ZNF638: variants seen among roughly 807,000 people sequenced by gnomAD.
The protein encoded by ZNF638 is zinc finger protein 638.
Under a neutral mutation model 195.6 loss-of-function variants are expected in ZNF638, and 46 were observed. The ratio of observed to expected loss-of-function variants is 0.24; its 90% CI spans 0.19 to 0.30. The LOEUF (loss-of-function observed/expected upper bound fraction) is 0.30, where lower values mean the gene tolerates loss of function less well. ZNF638 is among the 10% of genes least tolerant of loss of function. ZNF638 has a pLI of 1.00. For missense variants in ZNF638, 2,440 were observed against 2,325.3 expected (o/e 1.05, Z -1.01); for synonymous variants, 845 against 772.0 (o/e 1.09, Z -1.57).
rs150601215 is a variant in ZNF638, at chr2:71,364,073, A to G, written c.1538A>G (p.His513Arg). The change falls in exon 5 of 28, where the codon CAT becomes CGT. Residue 513 changes from histidine (H) to arginine (R), a missense_variant. By Grantham distance (29) the His-to-Arg change is conservative (BLOSUM62 0). Transcript: ENST00000264447. ...HRFRRSRSPM[H>R]YMYRPRSRSP... ...TTCCGTCGGTCTCGAAGCCCAATGC[A>G]TTACATGTATAGGCCGAGAAGTCGA... The G allele has an allele frequency of 2.5e-4, 408 of 1,614,204 alleles. No individual in the cohort carries two copies. Among genetic ancestry groups the G allele is most frequent in the Non-Finnish European group, 3.2e-4 (372 of 1,180,034 alleles).
chr2:71,343,927 G>A (rs764752943), intron 1 of ZNF638, among the ~76,000 whole-genome samples: 2 of 117,900 alleles, frequency 1.7e-5, no homozygotes, highest in East Asian at 4.5e-4. Flanking sequence ...TCAGGAGATC[G>A]AGACCATCCT....
At chr2:71,395,433 C>T in intron 10 of ZNF638, 1 of 636,526 alleles carries the variant, frequency 1.6e-6, no homozygotes, top group South Asian at 1.8e-5. Flanking sequence ...GGAGGTTTTG[C>T]AAAGCTTCGG....
Position 71,423,032 on chromosome 2 carries a change from A to C in ZNF638, c.3518A>C (p.Glu1173Ala), listed in dbSNP as rs143103673. 2 of 1,614,032 alleles carry C rather than the reference A, an allele frequency of 1.2e-6. No individual in the cohort carries two copies. Among genetic ancestry groups the C allele is most frequent in the African/African-American group, 1.3e-5 (1 of 74,928 alleles). ...ETLELETQGE[E>A]VKEEIPLVAS... is the part of the protein sequence containing the mutation. Reference sequence around the variant, plus strand: ...TTGGAGCTTGAAACTCAAGGAGAGGAGGTCAAAGAAGAAATTCCTCTTGTA... The same window carrying C: ...TTGGAGCTTGAAACTCAAGGAGAGGCGGTCAAAGAAGAAATTCCTCTTGTA... The change falls in exon 22 of 28, where the codon GAG (glutamate) becomes GCG (alanine). Residue 1173 changes from glutamate to alanine, a missense_variant. By Grantham distance (107) the Glu-to-Ala change is moderately radical (BLOSUM62 -1). Around this residue, in one of 5 missense-constraint regions of ZNF638, gnomAD observed 1,883 missense variants for 1,739.1 expected, o/e 1.08. Transcript: ENST00000264447.
intron 25 of ZNF638, among the ~76,000 whole-genome samples, chr2:71,429,360 A>G (rs1428538414): frequency 6.6e-6 from 1 of 152,166 alleles, no homozygotes; most frequent in Non-Finnish European, 1.5e-5. Flanking sequence ...TGCTCCCAAT[A>G]TATTAGAGGT....
At chr2:71,354,185 A>C (rs960979433) in intron 2 of ZNF638, among the ~76,000 whole-genome samples, 1 of 152,236 alleles carries the variant, frequency 6.6e-6, no homozygotes, top group Non-Finnish European at 1.5e-5. Flanking sequence ...GAAACAAATA[A>C]TAACATTTTC....
chr2:71,380,063 T>A (rs1207986763), intron 8 of ZNF638, 159 bp from the exon 9 acceptor site: 3 of 452,880 alleles, frequency 6.6e-6, no homozygotes, highest in African/African-American at 6.2e-5. Flanking sequence ...AGATGTAAAA[T>A]TAGGCTGTGT....
chr2:71,398,283 C>G (rs1269227487), intron 11 of ZNF638, among the ~76,000 whole-genome samples: 1 of 152,054 alleles, frequency 6.6e-6, no homozygotes, highest in Non-Finnish European at 1.5e-5. Flanking sequence ...ATTTATGTTT[C>G]ATATACACCT....
rs2080103515 is a variant in ZNF638 at position 71,406,272 on chromosome 2, TC to T, written c.3135+13del. 6.2e-7 allele frequency: 1 copy of T among 1,608,122 alleles called. No individual in the cohort carries two copies. The highest frequency in any genetic ancestry group is 8.5e-7 in the Non-Finnish European group (1 of 1,174,790). On this transcript the variant is annotated intron_variant, in intron 19 of 27. Transcript: ENST00000264447. ...AAGTAATAGAAACAAGGTAACAAGT[TC>T]CCTCATAATTTAGCTATTCATTCTG...
At chr2:71,380,763 A>G (rs956408842) in intron 10 of ZNF638, 198 bp downstream of exon 10, 1 of 420,362 alleles carries the variant, frequency 2.4e-6, no homozygotes, top group African/African-American at 2.1e-5. Context: ...GAGTAAATAC[A>G]ACAAATCTGT....
chr2:71,395,835 A>T, intron 10 of ZNF638: 4 of 456,644 alleles, frequency 8.8e-6, no homozygotes, highest in Non-Finnish European at 1.2e-5. Flanking sequence ...GACTTGATAT[A>T]TTGTGTGTGT....
intron 2 of ZNF638, among the ~76,000 whole-genome samples, chr2:71,353,908 A>G (rs2078982128): frequency 6.6e-6 from 1 of 152,240 alleles, no homozygotes; most frequent in Non-Finnish European, 1.5e-5. Flanking sequence ...TAGTACTACT[A>G]GAGACTCTTC....
At chr2:71,371,358 A>G (rs2079309574) in intron 8 of ZNF638, among the ~76,000 whole-genome samples, 1 of 152,142 alleles carries the variant, frequency 6.6e-6, no homozygotes. Context: ...GGGTATATAT[A>G]CCCAGCAGTG....
At position 71,350,081 on chromosome 2, in the gene ZNF638, A is replaced by G. The variant is rs776414327; in HGVS notation, c.1127A>G (p.Gln376Arg). ...GGAAGTAAAAAGAATTACCAGTCAC[A>G]GGCTGACATTCCCATTCGGTCTCCC... ...SRGSKKNYQS[Q>R]ADIPIRSPFG... The change falls in exon 2 of 28, where the codon CAG (glutamine) becomes CGG (arginine). Residue 376 changes from glutamine (Q) to arginine (R), a missense_variant. Around this residue, in one of 5 missense-constraint regions of ZNF638, gnomAD observed 305 missense variants for 283.6 expected, o/e 1.08. Coordinates refer to ENST00000264447, the MANE Select transcript of ZNF638 (RefSeq NM_014497.5). 6.2e-7 allele frequency: 1 copy of G among 1,614,106 alleles called. No homozygotes were observed. The highest frequency in any genetic ancestry group is 8.5e-7 in the Non-Finnish European group (1 of 1,180,060).
At position 71,426,789 on chromosome 2, in the gene ZNF638, T is replaced by C. The variant is rs1334976750; in HGVS notation, c.4920T>C (p.Asn1640=). The C allele has an allele frequency of 6.2e-7, 1 of 1,613,088 alleles. No individual in the cohort carries two copies. The highest frequency in any genetic ancestry group is 8.5e-7 in the Non-Finnish European group (1 of 1,179,558). The stretch of plus-strand genomic sequence containing the variant: ...TGGAAGAAATGGTAAAAAATTCAAA[T>C]TCACTTTTTACATTAGATGAATTAA... ...LNMEEMVKNS[N]SLFTLDELID... is the part of the protein sequence containing the mutation. Residue 1640 remains asparagine (N), a synonymous_variant, in exon 24 of 28, where the codon AAT becomes AAC. Coordinates refer to ENST00000264447, the MANE Select transcript of ZNF638 (RefSeq NM_014497.5).
At chr2:71,380,126 T>C in intron 8 of ZNF638, 96 bp from the exon 9 acceptor site, 1 of 581,768 alleles carries the variant, frequency 1.7e-6, no homozygotes, top group Non-Finnish European at 2.8e-6. Flanking sequence ...AATAATCATG[T>C]GTCCTTTAGA....
rs376086971 is a variant in ZNF638 at position 71,383,317 on chromosome 2, A to G, written c.2377+2752A>G. Reference sequence around the variant, plus strand: ...GTGACAAGAGCGAGACTCCACCTCAAAAAAATATATTGTTCTCATTTTCTA... The same window carrying G: ...GTGACAAGAGCGAGACTCCACCTCAGAAAAATATATTGTTCTCATTTTCTA... On this transcript the variant is annotated intron_variant, in intron 10 of 27. Transcript: ENST00000264447. Among the ~76,000 whole-genome samples the G allele has an allele frequency of 4.6e-5, 7 of 152,146 alleles. No homozygotes were observed. In the South Asian group the frequency reaches 8.3e-4, roughly 18 times the overall value.
At chr2:71,410,486 C>A (rs933069646) in intron 20 of ZNF638, among the ~76,000 whole-genome samples, 9 of 152,046 alleles carry the variant, frequency 5.9e-5, no homozygotes, top group African/African-American at 2.2e-4. Context: ...GTTGGAGTTA[C>A]AGGTGTGAAC....
chr2:71,391,810 A>C (rs1201729512), intron 10 of ZNF638, among the ~76,000 whole-genome samples: 2 of 152,224 alleles, frequency 1.3e-5, no homozygotes, highest in Non-Finnish European at 1.5e-5. Flanking sequence ...AGACTCACCC[A>C]GGTATTTAAC....
At chr2:71,421,753 C>T (rs1046926406) in intron 21 of ZNF638, among the ~76,000 whole-genome samples, 2 of 152,134 alleles carry the variant, frequency 1.3e-5, no homozygotes, top group Non-Finnish European at 2.9e-5. Context: ...TGGTGTCTTT[C>T]TCCAATCTGC....
Sources: allele counts gnomAD v4.1 joint callset (sites outside exome capture counted in the v4.1 genomes callset), GRCh38; gene constraint gnomAD v4.1.1; regional missense constraint gnomAD v4.1.1; transcripts MANE v1.5; gene names NCBI Gene and HGNC (gene_info 2026-07-23, HGNC 2026-07-21).